SIM1: variants seen among roughly 807,000 people sequenced by gnomAD.
The protein encoded by SIM1 is SIM bHLH transcription factor 1.
In SIM1, 18 loss-of-function variants were observed where a neutral mutation model predicts 78.2. That is an observed-to-expected ratio of 0.23 (90% CI 0.16 to 0.34). SIM1 has a LOEUF of 0.34. Among genes scored for constraint, SIM1 ranks in the 10% least tolerant of loss-of-function variants. SIM1 has a pLI of 1.00. For missense variants in SIM1, 939 were observed against 975.1 expected, an observed-to-expected ratio of 0.96 and a Z score of 0.49; for synonymous variants, 417 against 385.2, an observed-to-expected ratio of 1.08 and a Z score of -0.97.
Position 100,446,070 on chromosome 6 carries a change from C to T in SIM1, c.998+1198G>A, listed in dbSNP as rs1048063261. On this transcript the variant is annotated intron_variant, in intron 9 of 11. Transcript: ENST00000369208. Reference sequence around the variant, plus strand: ...AAAATTAAAAGATTATTCCTAATTGCCAGCTACTATTCTTGAATGTTGAAT... The same window carrying T: ...AAAATTAAAAGATTATTCCTAATTGTCAGCTACTATTCTTGAATGTTGAAT... Among the ~76,000 whole-genome samples the T allele has an allele frequency of 2.0e-5, 3 of 152,144 alleles. No individual in the cohort carries two copies. The East Asian group carries it at 5.8e-4, about 29-fold the overall frequency.
chr6:100,392,400 C>T (rs1194410964), intron 11 of SIM1, among the ~76,000 whole-genome samples: 6 of 152,164 alleles, frequency 3.9e-5, no homozygotes, highest in East Asian at 1.9e-4. Flanking sequence ...TCACACTATT[C>T]GTTGCTTTCC....
chr6:100,460,178 A>G (rs1772804643), intron 2 of SIM1, among the ~76,000 whole-genome samples: 4 of 151,970 alleles, frequency 2.6e-5, no homozygotes, highest in Admixed American at 2.6e-4. Context: ...AAACAGTTTA[A>G]TTTCATCTAG....
In SIM1 at chr6:100,401,818, A is replaced by C. The variant is rs555335386; in HGVS notation, c.1168-7929T>G. Among the ~76,000 whole-genome samples the C allele has an allele frequency of 2.0e-5, 3 of 152,344 alleles. No individual in the cohort carries two copies. In the South Asian group the frequency reaches 6.2e-4, roughly 32 times the overall value. ...TTTTTTAAACAACATTTTTCTGAAG[A>C]AATGGAAACTTGTTTTAATAAAGCT... is the stretch of plus-strand genomic sequence containing the variant. On this transcript the variant is annotated intron_variant, in intron 10 of 11. Coordinates refer to ENST00000369208, the MANE Select transcript of SIM1 (RefSeq NM_005068.3).
At chr6:100,445,884 C>T (rs1243119547) in intron 9 of SIM1, among the ~76,000 whole-genome samples, 1 of 152,098 alleles carries the variant, frequency 6.6e-6, no homozygotes, top group Non-Finnish European at 1.5e-5. Context: ...TTGCCATTCT[C>T]TCTTGCATTT....
rs567673880 is a variant in SIM1 at position 100,458,461 on chromosome 6, C to G, written c.176-4617G>C. ...CGGGAACTGCCCAAACAGACTGGAT[C>G]TGGACCTAAGGTTTAGACGACTGCT... On this transcript the variant is annotated intron_variant, in intron 2 of 11. Coordinates refer to ENST00000369208, the MANE Select transcript of SIM1 (RefSeq NM_005068.3). Among the ~76,000 whole-genome samples the G allele has an allele frequency of 3.3e-4, 51 of 152,314 alleles. 3 individuals are homozygous for G. The South Asian group carries it at 0.011, about 32-fold the overall frequency.
intron 10 of SIM1, among the ~76,000 whole-genome samples, chr6:100,414,499 A>C (rs950545320): frequency 6.6e-6 from 1 of 152,232 alleles, no homozygotes; most frequent in Non-Finnish European, 1.5e-5. Flanking sequence ...ATAAAGGTCT[A>C]CTCTAATAAT....
chr6:100,448,624 G>C lies in SIM1; in HGVS notation c.598C>G (p.Pro200Ala). The change falls in exon 7 of 12, where the codon CCC becomes GCC. Residue 200 changes from proline (P) to alanine (A), a missense_variant. Transcript: ENST00000369208. ...KIRQYSLDMS[P>A]FDGCYQNVGL... ...ACGTTTTGGTAGCAGCCGTCGAAGG[G>C]GGACATGTCCAGGCTGTACTGGCGG... 1 of 1,613,936 alleles carries C rather than the reference G, an allele frequency of 6.2e-7. No individual in the cohort carries two copies. Among genetic ancestry groups the C allele is most frequent in the South Asian group, 1.1e-5 (1 of 91,080 alleles).
At chr6:100,453,633 C>G in intron 3 of SIM1, 129 bp downstream of exon 3, 1 of 717,370 alleles carries the variant, frequency 1.4e-6, no homozygotes. Flanking sequence ...CAGTCCGGAT[C>G]CCTGTTTTTG....
intron 6 of SIM1, among the ~76,000 whole-genome samples, 162 bp downstream of exon 6, chr6:100,449,201 G>A (rs541785331): frequency 1.3e-5 from 2 of 152,340 alleles, no homozygotes; most frequent in Admixed American, 6.5e-5. Context: ...TGTTCACAAA[G>A]TTCCGTGGCC....
Position 100,458,251 on chromosome 6 carries a change from G to T in SIM1, c.176-4407C>A, listed in dbSNP as rs1404902957. Among the ~76,000 whole-genome samples the T allele has an allele frequency of 2.6e-5, 4 of 152,270 alleles. No individual in the cohort carries two copies. The East Asian group carries it at 7.8e-4, about 30-fold the overall frequency. On this transcript the variant is annotated intron_variant, in intron 2 of 11. Coordinates refer to ENST00000369208, the MANE Select transcript of SIM1 (RefSeq NM_005068.3). ...TGCAGCGTTCATGAGACAGTCCTGC[G>T]TGACGGCCGAAAAACGTCAATCGAT...
intron 7 of SIM1, 79 bp from the exon 8 acceptor site, chr6:100,448,331 T>G (rs1351379431): frequency 7.3e-7 from 1 of 1,378,122 alleles, no homozygotes; most frequent in East Asian, 2.5e-5. Context: ...GACAGCCGTC[T>G]GACACCTAGC....
intron 2 of SIM1, 72 bp from the exon 3 acceptor site, chr6:100,453,916 G>A: frequency 2.6e-6 from 3 of 1,168,618 alleles, no homozygotes; most frequent in Non-Finnish European, 3.7e-6. Context: ...CAAGTCCCGC[G>A]ACTGTATTAC....
chr6:100,442,921 G>A (rs867943620), intron 9 of SIM1, among the ~76,000 whole-genome samples: 1 of 152,012 alleles, frequency 6.6e-6, no homozygotes. Flanking sequence ...GTTTTATATT[G>A]ACAGAATATG....
At chr6:100,463,169 A>C in intron 2 of SIM1, 125 bp downstream of exon 2, 1 of 877,910 alleles carries the variant, frequency 1.1e-6, no homozygotes, top group Non-Finnish European at 1.7e-6. Flanking sequence ...GCCGAGCTAA[A>C]CTTCCCTTTG....
chr6:100,461,491 G>C (rs142892636), intron 2 of SIM1, among the ~76,000 whole-genome samples: 4 of 152,284 alleles, frequency 2.6e-5, no homozygotes, highest in African/African-American at 7.2e-5. Context: ...AGCCCCACAA[G>C]CAACACCATA....
At chr6:100,458,022 CTCTCTCTCTCT>C in intron 2 of SIM1, among the ~76,000 whole-genome samples, 1 of 23,912 alleles carries the variant, frequency 4.2e-5, no homozygotes, top group Non-Finnish European at 1.0e-4. Context: ...CTCTCTCTCT[CTCTCTCTCTCT>C]CTCTCTCTCT....
chr6:100,411,812 A>T (rs1009023258), intron 10 of SIM1, among the ~76,000 whole-genome samples: 10 of 152,122 alleles, frequency 6.6e-5, no homozygotes, highest in Non-Finnish European at 1.3e-4. Context: ...ACTCAGCAAT[A>T]TTTTATGAAA....
chr6:100,410,440 C>T (rs1771164031), intron 10 of SIM1, among the ~76,000 whole-genome samples: 1 of 152,138 alleles, frequency 6.6e-6, no homozygotes, highest in African/African-American at 2.4e-5. Context: ...TTCCCCAGAT[C>T]CAAACCACAC....
At position 100,412,731 on chromosome 6, in the gene SIM1, GAAAGAA is replaced by G. The variant is rs1771276791; in HGVS notation, c.1167+8053_1167+8058del. Among the ~76,000 whole-genome samples the G allele has an allele frequency of 1.5e-5, 2 of 137,248 alleles. 1 individual carries two copies. Among genetic ancestry groups the G allele is most frequent in the African/African-American group, 5.9e-5 (2 of 34,156 alleles). The allele number at this position is 137,248 out of a possible 152,430, so 90.0% of individuals were successfully genotyped here. A position where few individuals can be genotyped will look rare whatever the true frequency, so the allele number is the denominator to read the frequency against. On this transcript the variant is annotated intron_variant, in intron 10 of 11. Transcript: ENST00000369208. Reference sequence around the variant, plus strand: ...AGAAAGAAAGAAAGAAAGAAAGAAAGAAAGAAAGAAAGAAAGAAAGAAAAAAGAAAA... The same window carrying G: ...AGAAAGAAAGAAAGAAAGAAAGAAAGAGAAAGAAAGAAAGAAAAAAGAAAA...
Sources: allele counts gnomAD v4.1 joint callset (sites outside exome capture counted in the v4.1 genomes callset), GRCh38; gene constraint gnomAD v4.1.1; transcripts MANE v1.5; gene names NCBI Gene and HGNC (gene_info 2026-07-23, HGNC 2026-07-21).